The following DCUN1D2 variants were observed in gnomAD, a reference collection of about 807,000 sequenced individuals.
The protein encoded by DCUN1D2 is DCN1-like protein 2.
Under a neutral mutation model 30.9 loss-of-function variants are expected in DCUN1D2, and 29 were observed. The ratio of observed to expected loss-of-function variants is 0.94; its 90% CI spans 0.70 to 1.28. The LOEUF is 1.28. Ranked by LOEUF, DCUN1D2 falls within the 50% of genes most tolerant of loss-of-function variation. The pLI, the probability that DCUN1D2 is intolerant of heterozygous loss-of-function variation, is 0.00. For synonymous variants in DCUN1D2, 121 were observed against 115.3 expected (o/e 1.05, Z -0.32); for missense variants, 325 against 316.9 (o/e 1.03, Z -0.19).
chr13:113,463,904 TG>T (rs2044360049), intron 4 of DCUN1D2, among the ~76,000 whole-genome samples: 1 of 152,238 alleles, frequency 6.6e-6, no homozygotes, highest in African/African-American at 2.4e-5. Context: ...ATGCTTTTTC[TG>T]GAACAGTTGG....
intron 1 of DCUN1D2, among the ~76,000 whole-genome samples, chr13:113,485,754 T>C (rs1019666437): frequency 2.0e-5 from 3 of 151,580 alleles, no homozygotes; most frequent in Admixed American, 2.0e-4. Context: ...TCCAGATACA[T>C]ACTCTCCCGT....
intron 4 of DCUN1D2, among the ~76,000 whole-genome samples, chr13:113,464,680 C>T (rs111681916): frequency 1.1e-4 from 17 of 152,348 alleles, no homozygotes; most frequent in African/African-American, 3.6e-4. Context: ...AGGAGGCCCA[C>T]GTGGGGCAGC....
intron 1 of DCUN1D2, among the ~76,000 whole-genome samples, chr13:113,487,511 G>A (rs998297410): frequency 3.3e-5 from 5 of 152,202 alleles, no homozygotes; most frequent in African/African-American, 1.2e-4. Flanking sequence ...CAGCTGCACA[G>A]TGTACGACTC....
rs373874285 is a variant in DCUN1D2, at chr13:113,474,205, C to T, written c.439G>A (p.Glu147Lys). 199 of 1,614,038 alleles carry T rather than the reference C, an allele frequency of 1.2e-4. No individual in the cohort carries two copies. Among genetic ancestry groups the T allele is most frequent in the Non-Finnish European group, 1.5e-4 (182 of 1,180,008 alleles). Residue 147 changes from glutamate to lysine, a missense_variant, in exon 4 of 7, where the codon GAG becomes AAG. By Grantham distance (56) the Glu-to-Lys change is moderately conservative. Transcript: ENST00000478244. Reference sequence around the variant, plus strand: ...TTAAACTTGGCTGTGTCCTTCAGCTCCTGCTCCAGTCTTGGCAGAAGAGCC... The same window carrying T: ...TTAAACTTGGCTGTGTCCTTCAGCTTCTGCTCCAGTCTTGGCAGAAGAGCC... ...LKALLPRLEQ[E>K]LKDTAKFKDF...
chr13:113,460,970 C>G, intron 5 of DCUN1D2, 84 bp downstream of exon 5: 1 of 825,476 alleles, frequency 1.2e-6, no homozygotes. Flanking sequence ...CGTGTGAGAC[C>G]TGAGGTGGAT....
intron 4 of DCUN1D2, among the ~76,000 whole-genome samples, chr13:113,465,355 AAGC>A (rs1267483198): frequency 7.9e-5 from 12 of 152,240 alleles, no homozygotes; most frequent in Admixed American, 3.9e-4. Flanking sequence ...CTCAAAAGTA[AAGC>A]ATGACCCAGA....
At chr13:113,459,914 T>C (rs573166076) in intron 5 of DCUN1D2, among the ~76,000 whole-genome samples, 1 of 152,342 alleles carries the variant, frequency 6.6e-6, no homozygotes, top group African/African-American at 2.4e-5. Flanking sequence ...TCTGATTTTT[T>C]AGTCCGTTCT....
chr13:113,463,473 C>T (rs2044350690), intron 4 of DCUN1D2, among the ~76,000 whole-genome samples: 1 of 151,730 alleles, frequency 6.6e-6, no homozygotes, highest in Admixed American at 6.6e-5. Context: ...AGGAGGATCA[C>T]TTGAAGTCAA....
chr13:113,476,402 T>G (rs1378550409), intron 3 of DCUN1D2, among the ~76,000 whole-genome samples: 1 of 152,238 alleles, frequency 6.6e-6, no homozygotes, highest in Non-Finnish European at 1.5e-5. Flanking sequence ...ACTGTGGTTT[T>G]CACCTGCATT....
Position 113,490,419 on chromosome 13 carries a change from C to A in DCUN1D2, c.3+248G>T. On this transcript the variant is annotated intron_variant, in intron 1 of 6. Coordinates refer to ENST00000478244, the MANE Select transcript of DCUN1D2 (RefSeq NM_001014283.2). This position sits in a 1 kb window ranked among gnomAD's most constrained non-coding sequence, Gnocchi z 5.2. ...GGCCCCTACAGTTCCTCCCGGCCCC[C>A]GCCCTCCGCTCACTCCCGGTCGTCC... The A allele has an allele frequency of 2.8e-6, 1 of 357,420 alleles. No individual in the cohort carries two copies. The highest frequency in any genetic ancestry group is 5.4e-5 in the East Asian group (1 of 18,588). The allele number at this position is 357,420 out of a possible 1,614,324, so 22.1% of individuals were successfully genotyped here.
At position 113,459,392 on chromosome 13, in the gene DCUN1D2, G is replaced by A; in HGVS notation, c.620C>T (p.Ser207Leu). The A allele has an allele frequency of 6.4e-7, 1 of 1,559,542 alleles. No homozygotes were observed. Among genetic ancestry groups the A allele is most frequent in the Non-Finnish European group, 8.8e-7 (1 of 1,131,010 alleles). ...NTFLMEHHKR[S>L]IPRDTWNLLL... ...GAGGTTCCAGGTGTCCCTTGGAATTGATCTTTTGTGATGTTCCTAATATAT... is the reference window on the plus strand; with the variant it reads ...GAGGTTCCAGGTGTCCCTTGGAATTAATCTTTTGTGATGTTCCTAATATAT... Residue 207 changes from serine (S) to leucine (L), a missense_variant, in exon 6 of 7, where the codon TCA becomes TTA. Ser to Leu is a moderately radical substitution (Grantham distance 145, BLOSUM62 -2). Coordinates refer to ENST00000478244, the MANE Select transcript of DCUN1D2 (RefSeq NM_001014283.2).
chr13:113,476,767 A>C (rs2044624798), intron 3 of DCUN1D2, among the ~76,000 whole-genome samples: 1 of 152,082 alleles, frequency 6.6e-6, no homozygotes, highest in Non-Finnish European at 1.5e-5. Context: ...TTTTCTACAG[A>C]CTTTTTGCTT....
intron 4 of DCUN1D2, among the ~76,000 whole-genome samples, chr13:113,466,801 ATTTTT>A (rs112063279): frequency 9.1e-6 from 1 of 109,796 alleles, no homozygotes; most frequent in Non-Finnish European, 1.8e-5. Flanking sequence ...TGTCCTTTGG[ATTTTT>A]TTTTTTTTTT....
intron 6 of DCUN1D2, 30 bp downstream of exon 6, chr13:113,459,282 G>T: frequency 3.2e-6 from 4 of 1,234,872 alleles, no homozygotes; most frequent in Non-Finnish European, 4.8e-6. Flanking sequence ...AAGCATTTCG[G>T]TCAATCATCT....
upstream of DCUN1D2, chr13:113,491,391 C>T (rs1235497453): frequency 1.3e-5 from 2 of 149,136 alleles, no homozygotes; most frequent in Non-Finnish European, 3.0e-5. Flanking sequence ...TCTTCCCTTC[C>T]CAAGGGTCCC....
chr13:113,456,693 A>G lies in DCUN1D2; in HGVS notation c.*1336T>C, dbSNP rs985149547. 1 of 241,432 alleles carries G rather than the reference A, an allele frequency of 4.1e-6. No homozygotes were observed. Among genetic ancestry groups the G allele is most frequent in the Non-Finnish European group, 7.9e-6 (1 of 126,762 alleles). 15.0% of individuals were successfully genotyped at this position (241,432 alleles called of 1,614,324 possible). A position where few individuals can be genotyped will look rare whatever the true frequency, so the allele number is the denominator to read the frequency against. On this transcript the variant is annotated 3_prime_UTR_variant, in exon 7 of 7. Coordinates refer to ENST00000478244, the MANE Select transcript of DCUN1D2 (RefSeq NM_001014283.2). The stretch of plus-strand genomic sequence containing the variant: ...TCAACCAGGCGGACACGAGAAACAG[A>G]TGATAACATGGTGCAAGGACAGACT...
chr13:113,472,010 G>C (rs1044526488), intron 4 of DCUN1D2, among the ~76,000 whole-genome samples: 1 of 152,096 alleles, frequency 6.6e-6, no homozygotes, highest in South Asian at 2.1e-4. Context: ...GTTTTAAGTC[G>C]GGGGAGAGTG....
upstream of DCUN1D2, chr13:113,490,945 GA>G (rs1280614398): frequency 9.6e-6 from 2 of 208,904 alleles, no homozygotes; most frequent in African/African-American, 4.7e-5. The surrounding 1 kb of genome is among the most constrained non-coding windows in gnomAD (Gnocchi z 5.2). Flanking sequence ...CGCCGGCCAG[GA>G]AGTGCTCGCC....
intron 4 of DCUN1D2, among the ~76,000 whole-genome samples, chr13:113,462,266 AT>A (rs1481879199): frequency 2.0e-5 from 3 of 151,024 alleles, no homozygotes; most frequent in Admixed American, 6.6e-5. Context: ...AAAAAAAAAA[AT>A]TAAATAAATA....
Sources: gnomAD v4.1 joint callset for allele counts (sites outside exome capture counted in the v4.1 genomes callset) on GRCh38, gnomAD v4.1.1 for gene constraint, Gnocchi (gnomAD v3.1) non-coding constraint, MANE v1.5 for transcripts, NCBI Gene and HGNC (gene_info 2026-07-23, HGNC 2026-07-21) for gene names.